The following RNF207 variants were observed in gnomAD, a reference collection of about 807,000 sequenced individuals.
RNF207 encodes ring finger protein 207.
In RNF207, 72 loss-of-function variants were observed where a neutral mutation model predicts 79.0. That is an observed-to-expected ratio of 0.91 (90% CI 0.75 to 1.11). The LOEUF (loss-of-function observed/expected upper bound fraction) is 1.11. Ranked by LOEUF, RNF207 falls within the 50% of genes least tolerant of loss-of-function variation. The pLI, the probability that RNF207 is intolerant of heterozygous loss-of-function variation, is 0.00. For synonymous variants in RNF207, 348 were observed against 366.2 expected, an observed-to-expected ratio of 0.95 and a Z score of 0.57; for missense variants, 936 against 855.8, an observed-to-expected ratio of 1.09 and a Z score of -1.17.
At position 6,210,135 on chromosome 1, in the gene RNF207, G is replaced by A. The variant is rs887486144; in HGVS notation, c.801-88G>A. ...GGGTGCAGAGAAGGGGTTCAGGGACGGACATGCGAAGCTGGAGGCGGGTGG... is the reference window on the plus strand; with the variant it reads ...GGGTGCAGAGAAGGGGTTCAGGGACAGACATGCGAAGCTGGAGGCGGGTGG... On this transcript the variant is annotated intron_variant, in intron 8 of 17. Coordinates refer to ENST00000377939, the MANE Select transcript of RNF207 (RefSeq NM_207396.3). 8.1e-5 allele frequency: 110 copies of A among 1,353,702 alleles called. 1 individual carries two copies. Among genetic ancestry groups the A allele is most frequent in the Non-Finnish European group, 1.1e-4 (105 of 953,276 alleles). 83.9% of individuals were successfully genotyped at this position (1,353,702 alleles called of 1,614,324 possible).
Position 6,219,650 on chromosome 1 carries a change from GC to G in RNF207, c.*247del, listed in dbSNP as rs1412580408. ...TGGGATTACAGGCGCCTGACACCAC[GC>G]CCCGCTAATTTTTTGTATTTTTAGT... is the stretch of plus-strand genomic sequence containing the variant. On this transcript the variant is annotated 3_prime_UTR_variant, in exon 18 of 18. Coordinates refer to ENST00000377939, the MANE Select transcript of RNF207 (RefSeq NM_207396.3). 1 of 245,010 alleles carries G rather than the reference GC, an allele frequency of 4.1e-6. No homozygotes were observed. Among genetic ancestry groups the G allele is most frequent in the African/African-American group, 2.3e-5 (1 of 42,772 alleles). The allele number at this position is 245,010 out of a possible 1,614,324, so 15.2% of individuals were successfully genotyped here.
chr1:6,209,167 G>A lies in RNF207; in HGVS notation c.522G>A (p.Leu174=), dbSNP rs77419216. ...LLFSTDKKLL[L]CIRCFRDMQK... is the part of the protein sequence containing the mutation. Reference sequence around the variant, plus strand: ...TCTCCACCGACAAGAAGTTGCTGTTGTGCATCCGCTGCTTCCGCGACATGC... The same window carrying A: ...TCTCCACCGACAAGAAGTTGCTGTTATGCATCCGCTGCTTCCGCGACATGC... The change falls in exon 5 of 18, where the codon TTG becomes TTA. Residue 174 remains leucine (L), a synonymous_variant. Coordinates refer to ENST00000377939, the MANE Select transcript of RNF207 (RefSeq NM_207396.3). The A allele has an allele frequency of 6.4e-7, 1 of 1,557,162 alleles. No individual in the cohort carries two copies. Among genetic ancestry groups the A allele is most frequent in the East Asian group, 2.4e-5 (1 of 41,858 alleles).
At position 6,206,160 on chromosome 1, in the gene RNF207, G is replaced by A; in HGVS notation, c.-143G>A. The stretch of plus-strand genomic sequence containing the variant: ...CAGAGTGGGAACCATCGCCCGGTGC[G>A]GGCCTGAACTTCCAGGGCCGGCTAC... On this transcript the variant is annotated 5_prime_UTR_variant, in exon 1 of 18. Transcript: ENST00000377939. 9.6e-6 allele frequency: 2 copies of A among 207,790 alleles called. No individual in the cohort carries two copies. Among genetic ancestry groups the A allele is most frequent in the Non-Finnish European group, 1.9e-5 (2 of 105,168 alleles). The allele number at this position is 207,790 out of a possible 1,614,324, so 12.9% of individuals were successfully genotyped here.
At chr1:6,214,108 A>G (rs1668276735) in intron 16 of RNF207, among the ~76,000 whole-genome samples, 1 of 152,236 alleles carries the variant, frequency 6.6e-6, no homozygotes, top group African/African-American at 2.4e-5. Context: ...TTCACTGGGT[A>G]TCAAATTCTA....
In RNF207 at chr1:6,209,953, G is replaced by C; in HGVS notation, c.783G>C (p.Leu261=). 6.3e-7 allele frequency: 1 copy of C among 1,592,632 alleles called. No individual in the cohort carries two copies. The highest frequency in any genetic ancestry group is 8.6e-7 in the Non-Finnish European group (1 of 1,169,342). ...GGCTGGCAGAGAGGAAAGCGCTGCT[G>C]CTGCAGGCTGTGCAGAGGTGAGTTG... The part of the protein sequence containing the change: ...QDRLAERKAL[L]LQAVQSQYEE... The change falls in exon 8 of 18, where the codon CTG becomes CTC. Residue 261 remains leucine, a synonymous_variant. Transcript: ENST00000377939.
chr1:6,215,152 C>A (rs1260128913), intron 16 of RNF207, among the ~76,000 whole-genome samples: 1 of 151,692 alleles, frequency 6.6e-6, no homozygotes, highest in Non-Finnish European at 1.5e-5. Context: ...CCTCAGCCTC[C>A]CGAGTAGCTG....
intron 2 of RNF207, 86 bp downstream of exon 2, chr1:6,206,812 C>T: frequency 2.6e-6 from 3 of 1,157,280 alleles, no homozygotes; most frequent in Non-Finnish European, 3.7e-6. Flanking sequence ...ACCCAGGTGC[C>T]AGGAGAGTAA....
At chr1:6,208,170 G>T in intron 3 of RNF207, 1 of 180,330 alleles carries the variant, frequency 5.5e-6, no homozygotes, top group South Asian at 1.3e-4. Flanking sequence ...GCTTGGGGAG[G>T]AGAACCTTAA....
In RNF207 at chr1:6,211,870, G is replaced by T. The variant is rs769425343; in HGVS notation, c.1113G>T (p.Leu371=). ...VAAAASGANT[L]AGGLGPKALT... ...TCCACACTGGCTCTCTCCCCAGGCT[G>T]GCAGGGGGCTTAGGCCCCAAGGCGC... is the stretch of plus-strand genomic sequence containing the variant. The change falls in exon 13 of 18, where the codon CTG becomes CTT. Residue 371 remains leucine, a synonymous_variant. Transcript: ENST00000377939. This position sits in a 1 kb window ranked among gnomAD's most constrained non-coding sequence, Gnocchi z 4.2. The T allele has an allele frequency of 1.3e-6, 2 of 1,547,904 alleles. No individual in the cohort carries two copies. Among genetic ancestry groups the T allele is most frequent in the Middle Eastern group, 4.1e-4 (2 of 4,890 alleles).
chr1:6,212,096 C>T (rs777628259), intron 13 of RNF207, 43 bp downstream of exon 13: 3 of 1,559,282 alleles, frequency 1.9e-6, no homozygotes, highest in South Asian at 2.3e-5. Context: ...ATGTCCTAAC[C>T]CACTCCTCAC....
At position 6,206,532 on chromosome 1, in the gene RNF207, G is replaced by A. The variant is rs1364426575; in HGVS notation, c.1-4G>A. ...CCAGCCGCCCGCTTGCGCTGTCGCT[G>A]CAGATGTCGGGAGCTATCTTCGGGC... is the stretch of plus-strand genomic sequence containing the variant. On this transcript the variant is annotated splice_polypyrimidine_tract_variant and splice_region_variant and intron_variant, in intron 1 of 17. Transcript: ENST00000377939. 1.3e-6 allele frequency: 2 copies of A among 1,563,650 alleles called. No individual in the cohort carries two copies. Among genetic ancestry groups the A allele is most frequent in the Non-Finnish European group, 1.7e-6 (2 of 1,163,362 alleles).
chr1:6,207,800 A>G lies in RNF207; in HGVS notation c.324+289A>G. On this transcript the variant is annotated intron_variant, in intron 3 of 17. Coordinates refer to ENST00000377939, the MANE Select transcript of RNF207 (RefSeq NM_207396.3). The surrounding 1 kb of genome is among the most constrained non-coding windows in gnomAD (Gnocchi z 4.5). ...TCAGGGTGGAGTTGTGGACCTGCAC[A>G]GGAGGGGCAGTCCAGTTTGCAGGCC... The G allele has an allele frequency of 1.6e-6, 1 of 613,750 alleles. No individual in the cohort carries two copies. 38.0% of individuals were successfully genotyped at this position (613,750 alleles called of 1,614,324 possible). A position where few individuals can be genotyped will look rare whatever the true frequency, so the allele number is the denominator to read the frequency against.
rs1052888705 is a variant in RNF207 at position 6,211,177 on chromosome 1, G to A, written c.1109+59G>A. 21 of 1,252,164 alleles carry A rather than the reference G, an allele frequency of 1.7e-5. No individual in the cohort carries two copies. The Admixed American group carries it at 4.5e-4, about 27-fold the overall frequency. 77.6% of individuals were successfully genotyped at this position (1,252,164 alleles called of 1,614,324 possible). On this transcript the variant is annotated intron_variant, in intron 12 of 17. Transcript: ENST00000377939. The surrounding 1 kb of genome is among the most constrained non-coding windows in gnomAD (Gnocchi z 4.2). ...CCCCAACACTGGGGTGTGGGGGAGGGTGGGCGCTGAGGGGCCAGATCGCCA... is the reference window on the plus strand; with the variant it reads ...CCCCAACACTGGGGTGTGGGGGAGGATGGGCGCTGAGGGGCCAGATCGCCA...
rs905002680 is a variant in RNF207, at chr1:6,220,536, T to C, written c.*1129T>C. ...TGACTCATGGAAGGATGAGGAACGTTTGCTCCAGCTTCTCTCCCTTTCCAG... is the reference window on the plus strand; with the variant it reads ...TGACTCATGGAAGGATGAGGAACGTCTGCTCCAGCTTCTCTCCCTTTCCAG... On this transcript the variant is annotated 3_prime_UTR_variant, in exon 18 of 18. Transcript: ENST00000377939. 2.6e-5 allele frequency: 4 copies of C among 152,234 alleles called. No homozygotes were observed. Among genetic ancestry groups the C allele is most frequent in the African/African-American group, 9.7e-5 (4 of 41,450 alleles). 9.4% of individuals were successfully genotyped at this position (152,234 alleles called of 1,614,324 possible).
Position 6,209,105 on chromosome 1 carries a change from GC to G in RNF207, c.470-5del. On this transcript the variant is annotated splice_polypyrimidine_tract_variant and intron_variant, in intron 4 of 17. Coordinates refer to ENST00000377939, the MANE Select transcript of RNF207 (RefSeq NM_207396.3). ...ACCGGAGCCCTCACCACCGCCCGCC[GC>G]CCCCGCAGCGCTGCACGCAGAGCCC... is the stretch of plus-strand genomic sequence containing the variant. 1 of 1,550,820 alleles carries G rather than the reference GC, an allele frequency of 6.4e-7. No individual in the cohort carries two copies. Among genetic ancestry groups the G allele is most frequent in the Non-Finnish European group, 8.7e-7 (1 of 1,147,418 alleles).
chr1:6,213,285 C>T, intron 16 of RNF207, 102 bp downstream of exon 16: 1 of 684,514 alleles, frequency 1.5e-6, no homozygotes, highest in Non-Finnish European at 2.5e-6. Context: ...CTTCGGGAGG[C>T]TGAGGTGGGC....
Position 6,207,410 on chromosome 1 carries a change from C to T in RNF207, c.223C>T (p.Leu75Phe), listed in dbSNP as rs1173473364. The change falls in exon 3 of 18, where the codon CTC (leucine) becomes TTC (phenylalanine). Residue 75 changes from leucine to phenylalanine, a missense_variant. By Grantham distance (22) the Leu-to-Phe change is conservative. Transcript: ENST00000377939. This position sits in a 1 kb window ranked among gnomAD's most constrained non-coding sequence, Gnocchi z 4.5. ...GACGGTGCTGAAGGGTCCCAGCGGG[C>T]TCCCGCCGGTGGACCGGCTGCTGCA... ...HQTVLKGPSG[L>F]PPVDRLLQFL... 2 of 1,547,232 alleles carry T rather than the reference C, an allele frequency of 1.3e-6. No individual in the cohort carries two copies. The highest frequency in any genetic ancestry group is 2.3e-5 in the East Asian group (1 of 44,166).
chr1:6,209,320 G>C lies in RNF207; in HGVS notation c.604G>C (p.Glu202Gln). ...GGAATCGGCTTACGTGCAGGGCTGC[G>C]AGCGGCTGGAGCAGGCGGTGCTGGT... The part of the protein sequence containing the change: ...DLESAYVQGC[E>Q]RLEQAVLAVK... The change falls in exon 6 of 18, where the codon GAG (glutamate) becomes CAG (glutamine). Residue 202 changes from glutamate (E) to glutamine (Q), a missense_variant. Physicochemically the swap from Glu to Gln is conservative, Grantham distance 29. Transcript: ENST00000377939. 1 of 1,546,356 alleles carries C rather than the reference G, an allele frequency of 6.5e-7. No individual in the cohort carries two copies. The highest frequency in any genetic ancestry group is 1.2e-5 in the South Asian group (1 of 84,020).
chr1:6,210,365 CCCAGGTCCA>C lies in RNF207; in HGVS notation c.874-2_880del. 2 of 1,613,598 alleles carry C rather than the reference CCCAGGTCCA, an allele frequency of 1.2e-6. No homozygotes were observed. Among genetic ancestry groups the C allele is most frequent in the Non-Finnish European group, 1.7e-6 (2 of 1,179,754 alleles). On this transcript the variant is annotated splice_acceptor_variant and splice_polypyrimidine_tract_variant and coding_sequence_variant and intron_variant, in exon 10 of 18. Transcript: ENST00000377939. LOFTEE classifies it high-confidence loss of function. Reference sequence around the variant, plus strand: ...CCAGGCACTGAGCAGCATCCCCTCCCCCAGGTCCACCTGGTCATCTGCTCCTCCTTCCTC... The same window carrying C: ...CCAGGCACTGAGCAGCATCCCCTCCCCCTGGTCATCTGCTCCTCCTTCCTC...
Sources: gnomAD v4.1 joint callset for allele counts (sites outside exome capture counted in the v4.1 genomes callset) on GRCh38, gnomAD v4.1.1 for gene constraint, Gnocchi (gnomAD v3.1) non-coding constraint, MANE v1.5 for transcripts, NCBI Gene and HGNC (gene_info 2026-07-23, HGNC 2026-07-21) for gene names.